ZMYM2: variants seen among roughly 807,000 people sequenced by gnomAD.
ZMYM2 encodes zinc finger MYM-type protein 2.
A neutral mutation model predicts 162.8 loss-of-function variants in ZMYM2; 56 were observed. The ratio of observed to expected loss-of-function variants is 0.34; its 90% CI spans 0.28 to 0.43. ZMYM2 has a LOEUF of 0.43. ZMYM2 is among the 20% of genes least tolerant of loss of function. The pLI is 1.00. For synonymous variants in ZMYM2, 510 were observed against 541.6 expected (o/e 0.94, Z 0.81); for missense variants, 1,275 against 1,621.8 (o/e 0.79, Z 3.67).
chr13:19,900,849 C>T, the ZMYM2 span, among the ~76,000 whole-genome samples: 9 of 152,004 alleles, frequency 5.9e-5, no homozygotes, highest in Admixed American at 1.3e-4. Context: ...CTGGCTAACA[C>T]GGTAAAACCC....
intron 6 of ZMYM2, among the ~76,000 whole-genome samples, chr13:20,015,915 T>C (rs2140118842): frequency 6.6e-6 from 1 of 152,190 alleles, no homozygotes; most frequent in African/African-American, 2.4e-5. Flanking sequence ...TAAATGTACA[T>C]GGATCAAATT....
intron 22 of ZMYM2, 139 bp from the exon 23 acceptor site, chr13:20,082,642 C>A: frequency 1.3e-6 from 1 of 750,128 alleles, no homozygotes; most frequent in Non-Finnish European, 2.0e-6. Context: ...ATAGGTAATT[C>A]TAGAATTATT....
intron 12 of ZMYM2, among the ~76,000 whole-genome samples, chr13:20,040,234 G>A (rs1457626294): frequency 2.0e-5 from 3 of 152,032 alleles, no homozygotes; most frequent in African/African-American, 7.2e-5. Context: ...TTTTTGGTTG[G>A]TAGGGTATTT....
At chr13:19,998,282 A>C (rs1594265093) in intron 3 of ZMYM2, among the ~76,000 whole-genome samples, 1 of 152,302 alleles carries the variant, frequency 6.6e-6, no homozygotes, top group African/African-American at 2.4e-5. Context: ...ATTCCTAAAA[A>C]ATTTTTTTGA....
the ZMYM2 span, among the ~76,000 whole-genome samples, chr13:19,929,342 C>T: frequency 6.8e-4 from 104 of 152,004 alleles, no homozygotes; most frequent in Non-Finnish European, 1.3e-3. Flanking sequence ...GGGTTCACGC[C>T]ATTCTCCTGC....
At position 20,036,856 on chromosome 13, in the gene ZMYM2, A is replaced by C; in HGVS notation, c.2239A>C (p.Arg747=). The change falls in exon 12 of 25, where the codon AGA becomes CGA. Residue 747 remains arginine, a synonymous_variant. Transcript: ENST00000610343. ...AACTAAAGAACTCGATGGTGTTGTG[A>C]GAGATTTCTGCAGTGAAGATTGCTG... ...GATKELDGVV[R]DFCSEDCCKK... is the part of the protein sequence containing the mutation. The C allele has an allele frequency of 6.2e-7, 1 of 1,610,504 alleles. No individual in the cohort carries two copies. Among genetic ancestry groups the C allele is most frequent in the Non-Finnish European group, 8.5e-7 (1 of 1,178,336 alleles).
At chr13:19,892,086 G>A in the ZMYM2 span, among the ~76,000 whole-genome samples, 2 of 151,198 alleles carry the variant, frequency 1.3e-5, no homozygotes, top group South Asian at 2.1e-4. Context: ...GACCACAGGC[G>A]TGAGCTAGCA....
chr13:20,017,217 G>A (rs979629971), intron 6 of ZMYM2, among the ~76,000 whole-genome samples: 2 of 152,214 alleles, frequency 1.3e-5, no homozygotes, highest in African/African-American at 4.8e-5. Context: ...CATGGCTAGG[G>A]TGCTGGGGTG....
the ZMYM2 span, among the ~76,000 whole-genome samples, chr13:19,898,901 T>TTAGAC: frequency 6.6e-6 from 1 of 151,668 alleles, no homozygotes; most frequent in Non-Finnish European, 1.5e-5. Context: ...CCACTGCTCT[T>TTAGAC]TAGACTAGGT....
chr13:19,961,397 T>G (rs1447300373), intron 2 of ZMYM2, among the ~76,000 whole-genome samples: 1 of 152,176 alleles, frequency 6.6e-6, no homozygotes, highest in Non-Finnish European at 1.5e-5. Flanking sequence ...CAATTTACAG[T>G]CTGTAATTGT....
At chr13:19,872,998 C>CA in the ZMYM2 span, among the ~76,000 whole-genome samples, 8 of 74,164 alleles carry the variant, frequency 1.1e-4, no homozygotes, top group East Asian at 1.7e-3. Context: ...AGACTCTACC[C>CA]CAAAAAAAAA....
chr13:19,907,694 G>A, the ZMYM2 span, among the ~76,000 whole-genome samples: 3 of 146,912 alleles, frequency 2.0e-5, no homozygotes, highest in South Asian at 2.2e-4. Context: ...CCCGGGAATC[G>A]GAGGTTGCAG....
chr13:19,901,593 T>G, the ZMYM2 span, among the ~76,000 whole-genome samples: 1 of 152,000 alleles, frequency 6.6e-6, no homozygotes, highest in African/African-American at 2.4e-5. Flanking sequence ...CAAGCAGTTC[T>G]CTGTCTCAGC....
the ZMYM2 span, among the ~76,000 whole-genome samples, chr13:19,893,306 A>C: frequency 1.3e-5 from 2 of 151,670 alleles, 1 homozygote; most frequent in African/African-American, 4.9e-5. Flanking sequence ...AAACTAATTA[A>C]AAAAAAGAAA....
At chr13:19,929,284 G>A in the ZMYM2 span, among the ~76,000 whole-genome samples, 1 of 151,816 alleles carries the variant, frequency 6.6e-6, no homozygotes, top group African/African-American at 2.4e-5. Context: ...TGTCGCCCAG[G>A]TTGGAGTGCA....
chr13:19,873,365 T>C, the ZMYM2 span, among the ~76,000 whole-genome samples: 2 of 150,040 alleles, frequency 1.3e-5, no homozygotes, highest in Non-Finnish European at 1.5e-5. Flanking sequence ...GCCAGTGGTT[T>C]CCAGACAGAG....
At chr13:19,871,434 T>TGATAGAGCATGG in the ZMYM2 span, among the ~76,000 whole-genome samples, 1 of 152,134 alleles carries the variant, frequency 6.6e-6, no homozygotes, top group African/African-American at 2.4e-5. Context: ...TTATTTTCAT[T>TGATAGAGCATGG]GATAGAGCAT....
rs201707227 is a variant in ZMYM2, at chr13:19,972,912, T to C, written c.-11+12886T>C. 1.3e-4 allele frequency among the ~76,000 whole-genome samples: 19 copies of C among 150,408 alleles called. No individual in the cohort carries two copies. In the East Asian group the frequency reaches 3.5e-3, roughly 28 times the overall value. ...CTGTTACAAATTATATATATACATA[T>C]ATAGATATATATATGTATATATGTT... On this transcript the variant is annotated intron_variant, in intron 2 of 24. Coordinates refer to ENST00000610343, the MANE Select transcript of ZMYM2 (RefSeq NM_197968.4).
chr13:20,037,425 A>G (rs1187610359), intron 12 of ZMYM2, among the ~76,000 whole-genome samples: 2 of 151,870 alleles, frequency 1.3e-5, no homozygotes, highest in Non-Finnish European at 2.9e-5. Context: ...CGTGTTGGCC[A>G]GGTTGGTCTC....
Sources: allele counts gnomAD v4.1 joint callset (sites outside exome capture counted in the v4.1 genomes callset), GRCh38; gene constraint gnomAD v4.1.1; transcripts MANE v1.5; gene names NCBI Gene and HGNC (gene_info 2026-07-23, HGNC 2026-07-21).